Variants in SLX4IP observed in about 807,000 individuals in gnomAD.
The protein encoded by SLX4IP is SLX4 interacting protein, also known as protein SLX4IP.
In SLX4IP, 34 loss-of-function variants were observed where a neutral mutation model predicts 32.9. That is an observed-to-expected ratio of 1.03 (90% confidence interval 0.79 to 1.38). SLX4IP has a LOEUF of 1.38. Ranked by LOEUF, SLX4IP falls within the 40% of genes most tolerant of loss-of-function variation. SLX4IP has a pLI of 0.00. For missense variants in SLX4IP, 444 were observed against 479.0 expected, an observed-to-expected ratio of 0.93 and a Z score of 0.68; for synonymous variants, 172 against 171.7, an observed-to-expected ratio of 1.00 and a Z score of -0.01.
At chr20:10,544,070 C>T (rs2066137790) in intron 2 of SLX4IP, among the ~76,000 whole-genome samples, 1 of 152,156 alleles carries the variant, frequency 6.6e-6, no homozygotes, top group Non-Finnish European at 1.5e-5. Context: ...CTCCTCATCC[C>T]AGTGGTCGAG....
intron 2 of SLX4IP, among the ~76,000 whole-genome samples, chr20:10,525,548 T>C (rs2065934044): frequency 6.6e-6 from 1 of 152,256 alleles, no homozygotes; most frequent in African/African-American, 2.4e-5. Context: ...CTCATTGTTA[T>C]AATGGTTTGT....
intron 4 of SLX4IP, among the ~76,000 whole-genome samples, chr20:10,561,753 T>C (rs1270731592): frequency 6.6e-6 from 1 of 152,188 alleles, no homozygotes; most frequent in Non-Finnish European, 1.5e-5. Flanking sequence ...ACTTACAAGT[T>C]TGGCTTTCCA....
At chr20:10,524,446 C>T (rs2065926047) in intron 2 of SLX4IP, among the ~76,000 whole-genome samples, 1 of 152,132 alleles carries the variant, frequency 6.6e-6, no homozygotes, top group Non-Finnish European at 1.5e-5. Flanking sequence ...GTTCCGTCAG[C>T]TATGGCCAGG....
chr20:10,561,343 T>A (rs1195441238), intron 4 of SLX4IP, among the ~76,000 whole-genome samples: 1 of 152,014 alleles, frequency 6.6e-6, no homozygotes, highest in East Asian at 1.9e-4. Context: ...AGTGGTAGTC[T>A]TATATCCATT....
In SLX4IP at chr20:10,510,663, G is replaced by T. The variant is rs146616945; in HGVS notation, c.28-45568G>T. Among the ~76,000 whole-genome samples, 322 of 150,762 alleles carry T rather than the reference G, an allele frequency of 2.1e-3. 1 individual carries two copies. The highest frequency in any genetic ancestry group is 7.4e-3 in the African/African-American group (302 of 41,020). On this transcript the variant is annotated intron_variant, in intron 2 of 7. Coordinates refer to ENST00000334534, the MANE Select transcript of SLX4IP (RefSeq NM_001009608.3). Reference sequence around the variant, plus strand: ...CTCTGTCACCAGACTGGACTGCAGTGGCGCAATCTCGGCTCACTGCAACCT... The same window carrying T: ...CTCTGTCACCAGACTGGACTGCAGTTGCGCAATCTCGGCTCACTGCAACCT...
intron 4 of SLX4IP, among the ~76,000 whole-genome samples, chr20:10,588,634 T>C (rs1227360573): frequency 6.6e-6 from 1 of 152,254 alleles, no homozygotes; most frequent in Non-Finnish European, 1.5e-5. Flanking sequence ...GAGTGCATTA[T>C]GCTACATGAA....
At chr20:10,532,988 G>A (rs1025176768) in intron 2 of SLX4IP, among the ~76,000 whole-genome samples, 5 of 152,222 alleles carry the variant, frequency 3.3e-5, no homozygotes, top group Admixed American at 3.3e-4. Context: ...TGTTGGCTAA[G>A]CTGGTCTCAA....
rs140331531 is a variant in SLX4IP, at chr20:10,556,318, G to A, written c.115G>A (p.Glu39Lys). 54 of 1,612,372 alleles carry A rather than the reference G, an allele frequency of 3.3e-5. No homozygotes were observed. Among genetic ancestry groups the A allele is most frequent in the Non-Finnish European group, 4.4e-5 (52 of 1,179,598 alleles). ...AAGCTGGTTTTCTGAACAGAAGAAA[G>A]AGGTACAACAAAACTTTCTACTATT... ...DTSWFSEQKK[E>K]EVCLLLKETI... The change falls in exon 3 of 8, where the codon GAG becomes AAG. Residue 39 changes from glutamate to lysine, a missense_variant and splice_region_variant. Transcript: ENST00000334534.
intron 2 of SLX4IP, among the ~76,000 whole-genome samples, chr20:10,496,612 C>T (rs2065669921): frequency 6.6e-6 from 1 of 152,008 alleles, no homozygotes; most frequent in Non-Finnish European, 1.5e-5. Context: ...GGCAGCTGCA[C>T]TTCCTCACAT....
chr20:10,573,186 C>T (rs939487128), intron 4 of SLX4IP, among the ~76,000 whole-genome samples: 18 of 152,208 alleles, frequency 1.2e-4, no homozygotes, highest in Admixed American at 6.5e-4. Context: ...TTTCCCAGCC[C>T]TTTGAAAACA....
chr20:10,606,493 C>T (rs193072247), intron 6 of SLX4IP, among the ~76,000 whole-genome samples: 77 of 152,254 alleles, frequency 5.1e-4, no homozygotes, highest in Non-Finnish European at 6.2e-4. Flanking sequence ...TTCTAAACAA[C>T]GCTAGTGGTG....
At chr20:10,440,411 T>C (rs562627907) in intron 1 of SLX4IP, among the ~76,000 whole-genome samples, 1 of 152,040 alleles carries the variant, frequency 6.6e-6, no homozygotes, top group African/African-American at 2.4e-5. Context: ...GCCAAGATAG[T>C]GCAACTGCGC....
intron 3 of SLX4IP, among the ~76,000 whole-genome samples, chr20:10,557,702 C>T (rs557786221): frequency 6.0e-4 from 92 of 152,310 alleles, no homozygotes; most frequent in African/African-American, 2.0e-3. Context: ...CACCTTAGAC[C>T]TTTATCGGCC....
intron 2 of SLX4IP, among the ~76,000 whole-genome samples, chr20:10,547,683 A>G (rs1436577641): frequency 2.6e-5 from 4 of 152,222 alleles, no homozygotes; most frequent in Non-Finnish European, 4.4e-5. Flanking sequence ...GTTGTAAACC[A>G]TTAGCTTGAT....
intron 2 of SLX4IP, among the ~76,000 whole-genome samples, chr20:10,482,094 G>A (rs1270560069): frequency 3.9e-5 from 6 of 152,230 alleles, no homozygotes; most frequent in African/African-American, 1.4e-4. Context: ...GATTATATAA[G>A]GGTGTGAAAA....
chr20:10,626,009 C>CTTTTTT lies in SLX4IP; in HGVS notation c.*2648_*2653dup, dbSNP rs148432517. On this transcript the variant is annotated 3_prime_UTR_variant, in exon 8 of 8. Transcript: ENST00000334534. Reference sequence around the variant, plus strand: ...TGGGAATGGTATGTGTTTTGACATTCTTTTTTTTTTTTTTTTTTTTTTTGA... The same window carrying CTTTTTT: ...TGGGAATGGTATGTGTTTTGACATTCTTTTTTTTTTTTTTTTTTTTTTTTTTTTTGA... 10 of 81,214 alleles carry CTTTTTT rather than the reference C, an allele frequency of 1.2e-4. No homozygotes were observed. The highest frequency in any genetic ancestry group is 1.7e-4 in the Non-Finnish European group (7 of 41,814). The allele number at this position is 81,214 out of a possible 1,614,324, so 5.0% of individuals were successfully genotyped here.
chr20:10,583,505 C>T (rs537114362), intron 4 of SLX4IP, among the ~76,000 whole-genome samples: 1 of 152,306 alleles, frequency 6.6e-6, no homozygotes, highest in East Asian at 1.9e-4. Flanking sequence ...CAAATGTCCT[C>T]TGGAATTTCC....
chr20:10,546,555 G>A (rs1368106649), intron 2 of SLX4IP, among the ~76,000 whole-genome samples: 3 of 152,156 alleles, frequency 2.0e-5, no homozygotes, highest in East Asian at 1.9e-4. Flanking sequence ...AAAGAGAAAA[G>A]CAGCCAATAT....
In SLX4IP at chr20:10,458,224, C is replaced by T; in HGVS notation, c.20C>T (p.Ala7Val). MASKKF[A>V]VKCGNFAVLV... ...TAAGCCATGGCATCTAAGAAATTTG[C>T]TGTTAAAGTAAGTAATGTTTAATAG... The change falls in exon 2 of 8, where the codon GCT becomes GTT. Residue 7 changes from alanine to valine, a missense_variant. Ala to Val is a moderately conservative substitution (Grantham distance 64, BLOSUM62 0). Transcript: ENST00000334534. 6.3e-7 allele frequency: 1 copy of T among 1,587,834 alleles called. No individual in the cohort carries two copies. The highest frequency in any genetic ancestry group is 1.8e-5 in the Admixed American group (1 of 55,186).
Sources: gnomAD v4.1 joint callset for allele counts (sites outside exome capture counted in the v4.1 genomes callset) on GRCh38, gnomAD v4.1.1 for gene constraint, MANE v1.5 for transcripts, NCBI Gene and HGNC (gene_info 2026-07-23, HGNC 2026-07-21) for gene names.